Variants in H2BC18 observed in about 807,000 individuals in gnomAD.
H2BC18 encodes histone H2B type 2-F.
Under a neutral mutation model 6.3 loss-of-function variants are expected in H2BC18, and 8 were observed. That is an observed-to-expected ratio of 1.28 (90% confidence interval 0.75 to 2.31). The LOEUF (loss-of-function observed/expected upper bound fraction) is 2.31, where lower values mean the gene tolerates loss of function less well. H2BC18 is among the 30% of genes most tolerant of loss of function. The pLI is 0.00. For missense variants in H2BC18, 106 were observed against 174.5 expected, an observed-to-expected ratio of 0.61 and a Z score of 2.21; for synonymous variants, 104 against 78.1, an observed-to-expected ratio of 1.33 and a Z score of -1.75.
chr1:149,810,485 A>G (rs2101500712), downstream of H2BC18: 1 of 152,270 alleles, frequency 6.6e-6, no homozygotes, highest in South Asian at 2.1e-4. Context: ...TTTTAAGCAC[A>G]AAGTTGTTAA....
chr1:149,784,836 C>T (rs1221674705), intron 1 of H2BC18, among the ~76,000 whole-genome samples: 5 of 151,670 alleles, frequency 3.3e-5, no homozygotes, highest in Admixed American at 6.6e-5. Flanking sequence ...AATAGAAATC[C>T]ACTTTAAAAT....
chr1:149,802,567 T>A (rs1319442640), intron 1 of H2BC18, among the ~76,000 whole-genome samples: 1 of 152,108 alleles, frequency 6.6e-6, no homozygotes, highest in Non-Finnish European at 1.5e-5. Context: ...TAGATACAGA[T>A]ATATTAAAAG....
chr1:149,785,902 G>T (rs1313882095), intron 1 of H2BC18: 2 of 151,992 alleles, frequency 1.3e-5, no homozygotes, highest in African/African-American at 4.8e-5. Flanking sequence ...TATGGGACAG[G>T]ATGTACTCTT....
chr1:149,802,858 G>A (rs1282762423), intron 1 of H2BC18, among the ~76,000 whole-genome samples: 3 of 152,162 alleles, frequency 2.0e-5, no homozygotes, highest in Non-Finnish European at 4.4e-5. Flanking sequence ...GGAGAGGGAT[G>A]AAAGCCAGAA....
At chr1:149,810,938 ACT>A (rs1216754787), downstream of H2BC18, 1 of 152,142 alleles carries the variant, frequency 6.6e-6, no homozygotes, top group Non-Finnish European at 1.5e-5. Context: ...CGCAAAGGTG[ACT>A]CTTATAATTG....
At chr1:149,810,417 A>C (rs2091961580), downstream of H2BC18, 1 of 152,186 alleles carries the variant, frequency 6.6e-6, no homozygotes, top group Non-Finnish European at 1.5e-5. Flanking sequence ...ACCGCATTTT[A>C]TATCTTTTAA....
Position 149,812,229 on chromosome 1 carries a change from C to T in H2BC18, c.95G>A (p.Arg32His). 1.2e-6 allele frequency: 2 copies of T among 1,614,268 alleles called. No homozygotes were observed. Among genetic ancestry groups the T allele is most frequent in the Non-Finnish European group, 8.5e-7 (1 of 1,180,050 alleles). The change falls in exon 1 of 1, where the codon CGC becomes CAC. Residue 32 changes from arginine to histidine, a missense_variant. Transcript: ENST00000369167. ...AACGGAGTAGCTCTCCTTGCGGCTG[C>T]GCTTGCGCTTCTTGCCGTCCTTCTT... Reference protein sequence around the residue: ...VQKKDGKKRKRSRKESYSVYV... With the variant: ...VQKKDGKKRKHSRKESYSVYV...
Position 149,812,067 on chromosome 1 carries a change from T to C in H2BC18, c.257A>G (p.Lys86Arg), listed in dbSNP as rs1553754544. 8 of 1,614,240 alleles carry C rather than the reference T, an allele frequency of 5.0e-6. No homozygotes were observed. The highest frequency in any genetic ancestry group is 6.8e-6 in the Non-Finnish European group (8 of 1,180,046). The change falls in exon 1 of 1, where the codon AAG (lysine) becomes AGG (arginine). Residue 86 changes from lysine to arginine, a missense_variant. By Grantham distance (26) the Lys-to-Arg change is conservative. Transcript: ENST00000369167. ...GEASRLAHYN[K>R]RSTITSREIQ... ...CTCGCGGGATGTGATGGTGGAGCGC[T>C]TGTTGTAGTGCGCCAGGCGGGACGC... is the stretch of plus-strand genomic sequence containing the variant.
In H2BC18 at chr1:149,812,347, A is replaced by C. The variant is rs376484782; in HGVS notation, c.-24T>G. ...ATTTTTGCGCGAAAAAAGAGAAAAGAGACTTAAAGAAGTAATCCGAACTAC... is the reference window on the plus strand; with the variant it reads ...ATTTTTGCGCGAAAAAAGAGAAAAGCGACTTAAAGAAGTAATCCGAACTAC... On this transcript the variant is annotated 5_prime_UTR_variant, in exon 1 of 1. Transcript: ENST00000369167. The C allele has an allele frequency of 5.6e-6, 9 of 1,613,982 alleles. No homozygotes were observed. The African/African-American group carries it at 1.1e-4, about 19-fold the overall frequency.
At chr1:149,785,214 TA>T (rs1303853835) in intron 1 of H2BC18, among the ~76,000 whole-genome samples, 2 of 152,158 alleles carry the variant, frequency 1.3e-5, no homozygotes, top group African/African-American at 4.8e-5. Flanking sequence ...TTAAAAATGA[TA>T]ATGCAAAAGT....
At chr1:149,799,961 A>T (rs2091847916) in intron 1 of H2BC18, among the ~76,000 whole-genome samples, 1 of 151,954 alleles carries the variant, frequency 6.6e-6, no homozygotes, top group African/African-American at 2.4e-5. Flanking sequence ...TTTTTACACT[A>T]TTTATCAGGA....
At chr1:149,799,804 G>A (rs2101466446) in intron 1 of H2BC18, among the ~76,000 whole-genome samples, 1 of 152,246 alleles carries the variant, frequency 6.6e-6, no homozygotes. Context: ...TGATCATCAT[G>A]AGGACGGAGA....
intron 1 of H2BC18, chr1:149,803,625 AC>A (rs782323652): frequency 9.9e-5 from 15 of 152,244 alleles, no homozygotes; most frequent in Non-Finnish European, 2.1e-4. Context: ...GCTTGGATAA[AC>A]CAAGGAAAAA....
At chr1:149,789,017 A>G (rs1426254518) in intron 1 of H2BC18, among the ~76,000 whole-genome samples, 2 of 151,898 alleles carry the variant, frequency 1.3e-5, no homozygotes, top group East Asian at 3.9e-4. Flanking sequence ...AACGGGCTAT[A>G]CTGTCCATCT....
intron 1 of H2BC18, chr1:149,784,045 G>C: frequency 6.2e-7 from 1 of 1,610,142 alleles, no homozygotes; most frequent in Non-Finnish European, 8.5e-7. Context: ...CCATGGGTCA[G>C]CGTGTTCCAA....
chr1:149,790,655 G>T, intron 1 of H2BC18, among the ~76,000 whole-genome samples: 3 of 127,586 alleles, frequency 2.4e-5, no homozygotes, highest in Non-Finnish European at 3.3e-5. Flanking sequence ...TCCACTCCAT[G>T]ACCCCCCCTT....
chr1:149,787,308 A>T (rs2102042387), intron 1 of H2BC18: 1 of 152,360 alleles, frequency 6.6e-6, no homozygotes, highest in East Asian at 1.9e-4. Flanking sequence ...TTTCCGCCTT[A>T]GTCTCCTAAG....
chr1:149,809,085 C>G (rs1310270698), downstream of H2BC18, among the ~76,000 whole-genome samples: 1 of 135,844 alleles, frequency 7.4e-6, no homozygotes, highest in Non-Finnish European at 1.6e-5. Flanking sequence ...GATTATGTAA[C>G]CAATCTCAAT....
chr1:149,785,310 A>T (rs1314540033), intron 1 of H2BC18, among the ~76,000 whole-genome samples: 16 of 151,176 alleles, frequency 1.1e-4, no homozygotes, highest in African/African-American at 3.6e-4. Flanking sequence ...AATGTTGAGA[A>T]TGTCTGAGGG....
Sources: gnomAD v4.1 joint callset for allele counts (sites outside exome capture counted in the v4.1 genomes callset) on GRCh38, gnomAD v4.1.1 for gene constraint, MANE v1.5 for transcripts, NCBI Gene and HGNC (gene_info 2026-07-23, HGNC 2026-07-21) for gene names.